The following STAU2 variants were observed in gnomAD, a reference collection of about 807,000 sequenced individuals.
STAU2 encodes staufen double-stranded RNA binding protein 2.
Under a neutral mutation model 65.9 loss-of-function variants are expected in STAU2, and 20 were observed. The observed-to-expected ratio is 0.30, with a 90% CI of 0.21 to 0.44. The LOEUF is 0.44. Among genes scored for constraint, STAU2 ranks in the 20% least tolerant of loss-of-function variants. The probability of loss-of-function intolerance (pLI) is 1.00; values close to 1 mark genes in which losing one functional copy is unlikely to be tolerated. For missense variants in STAU2, 558 were observed against 683.9 expected (o/e 0.82, Z 2.05); for synonymous variants, 232 against 233.9 (o/e 0.99, Z 0.07).
At chr8:73,532,316 T>C (rs1805875044) in intron 13 of STAU2, among the ~76,000 whole-genome samples, 2 of 152,228 alleles carry the variant, frequency 1.3e-5, no homozygotes, top group African/African-American at 4.8e-5. Flanking sequence ...AAGCAGTACC[T>C]TGTGCGGGGA....
intron 1 of STAU2, 106 bp downstream of exon 1, chr8:73,746,677 G>T: frequency 1.5e-6 from 1 of 662,386 alleles, no homozygotes; most frequent in Admixed American, 4.5e-5. Flanking sequence ...GCTTTTCTCC[G>T]GGTTCCCCGT....
chr8:73,501,385 T>C (rs1821742301), intron 13 of STAU2, among the ~76,000 whole-genome samples: 1 of 151,950 alleles, frequency 6.6e-6, no homozygotes, highest in African/African-American at 2.4e-5. Flanking sequence ...ATGATCTATT[T>C]TAGAATTGTG....
intron 3 of STAU2, among the ~76,000 whole-genome samples, chr8:73,723,177 C>T (rs1821807738): frequency 6.6e-6 from 1 of 151,932 alleles, no homozygotes; most frequent in Non-Finnish European, 1.5e-5. Flanking sequence ...TCTAGAGAAG[C>T]CAATTAACCT....
intron 3 of STAU2, among the ~76,000 whole-genome samples, chr8:73,717,622 TTTGTTGTTGTTGTTG>T (rs75469180): frequency 2.5e-4 from 37 of 150,168 alleles, no homozygotes; most frequent in African/African-American, 6.8e-4. Context: ...CTATTTGTCT[TTTGTTGTTGTTGTTG>T]TTGTTGTTGT....
intron 10 of STAU2, among the ~76,000 whole-genome samples, chr8:73,600,047 C>A (rs879713598): frequency 1.3e-5 from 2 of 152,188 alleles, no homozygotes; most frequent in African/African-American, 2.4e-5. Context: ...GGATTACAGG[C>A]GTGAGCCACC....
In STAU2 at chr8:73,592,829, A is replaced by G. The variant is rs1416576317; in HGVS notation, c.1161+2337T>C. 2.0e-5 allele frequency among the ~76,000 whole-genome samples: 3 copies of G among 152,188 alleles called. 1 individual carries two copies. Among genetic ancestry groups the G allele is most frequent in the Admixed American group, 1.3e-4 (2 of 15,280 alleles). ...AGCCAAGATCGCACCACTGCACTCC[A>G]GCCTGGGTGACAGAGCTAGACTCCG... On this transcript the variant is annotated intron_variant, in intron 11 of 14. Transcript: ENST00000524300.
chr8:73,641,184 C>T (rs925077371), intron 6 of STAU2, among the ~76,000 whole-genome samples: 2 of 152,068 alleles, frequency 1.3e-5, no homozygotes, highest in Non-Finnish European at 2.9e-5. Context: ...CTCGTCTCTA[C>T]AAAAGACACA....
intron 3 of STAU2, among the ~76,000 whole-genome samples, chr8:73,711,525 C>A (rs1820901226): frequency 6.6e-6 from 1 of 152,094 alleles, no homozygotes; most frequent in East Asian, 1.9e-4. Context: ...AGTAATGCTG[C>A]ATATTCATCT....
At chr8:73,489,997 T>C (rs747994370) in intron 13 of STAU2, among the ~76,000 whole-genome samples, 2 of 152,048 alleles carry the variant, frequency 1.3e-5, no homozygotes, top group African/African-American at 4.8e-5. Flanking sequence ...ACATCTGCAG[T>C]TTAAAAAAAT....
rs148624118 is a variant in STAU2, at chr8:73,475,955, T to G, written c.1531-53253A>C. Among the ~76,000 whole-genome samples, 316 of 152,346 alleles carry G rather than the reference T, an allele frequency of 2.1e-3. 2 individuals are homozygous for G. The highest frequency in any genetic ancestry group is 7.4e-3 in the African/African-American group (306 of 41,568). On this transcript the variant is annotated intron_variant, in intron 13 of 14. Coordinates refer to ENST00000524300, the MANE Select transcript of STAU2 (RefSeq NM_001164380.2). ...TGACAATGTAATGACACTAAATGTT[T>G]ACTTCATTGTGACAGTCATATTTTC...
At chr8:73,515,200 C>A (rs1822637948) in intron 13 of STAU2, among the ~76,000 whole-genome samples, 1 of 152,034 alleles carries the variant, frequency 6.6e-6, no homozygotes, top group South Asian at 2.1e-4. Flanking sequence ...CAAATAATGA[C>A]CTATTAGTTC....
chr8:73,596,674 C>T (rs991707853), intron 10 of STAU2, among the ~76,000 whole-genome samples: 9 of 151,478 alleles, frequency 5.9e-5, no homozygotes, highest in Admixed American at 3.9e-4. Flanking sequence ...TATAGTGAGA[C>T]CCCATTTTTA....
intron 6 of STAU2, among the ~76,000 whole-genome samples, chr8:73,649,214 G>A (rs1485891439): frequency 1.3e-5 from 2 of 152,126 alleles, no homozygotes; most frequent in Non-Finnish European, 2.9e-5. Context: ...CAAACATTCT[G>A]CACATCCCAT....
chr8:73,438,324 GCAGGACAGC>G (rs1277305367), intron 13 of STAU2, among the ~76,000 whole-genome samples: 2 of 152,206 alleles, frequency 1.3e-5, no homozygotes, highest in African/African-American at 4.8e-5. Flanking sequence ...AGGGAGACAG[GCAGGACAGC>G]GACGGCAGTG....
chr8:73,573,747 A>T (rs182400457), intron 12 of STAU2, among the ~76,000 whole-genome samples: 58 of 152,336 alleles, frequency 3.8e-4, no homozygotes, highest in African/African-American at 1.3e-3. Context: ...ATACAAAAAA[A>T]TTAATTCAAG....
At chr8:73,543,648 T>C (rs1426577423) in intron 13 of STAU2, among the ~76,000 whole-genome samples, 1 of 152,194 alleles carries the variant, frequency 6.6e-6, no homozygotes, top group Non-Finnish European at 1.5e-5. Flanking sequence ...ACCATTCTGA[T>C]GTTAGCTCAT....
chr8:73,558,010 A>T (rs1319452286), intron 12 of STAU2, among the ~76,000 whole-genome samples: 1 of 152,254 alleles, frequency 6.6e-6, no homozygotes, highest in East Asian at 1.9e-4. Context: ...AGAGATGAAA[A>T]AAACTGAAGC....
chr8:73,658,468 A>T (rs1816557508), intron 6 of STAU2, among the ~76,000 whole-genome samples: 1 of 152,212 alleles, frequency 6.6e-6, no homozygotes, highest in African/African-American at 2.4e-5. Flanking sequence ...ATAAAAACAA[A>T]GTTTGGAACA....
At chr8:73,634,420 T>C (rs564536906) in intron 6 of STAU2, among the ~76,000 whole-genome samples, 1 of 152,134 alleles carries the variant, frequency 6.6e-6, no homozygotes, top group South Asian at 2.1e-4. Context: ...CCCAGCTCCT[T>C]GGGAGGCTGA....
Sources: gnomAD v4.1 joint callset for allele counts (sites outside exome capture counted in the v4.1 genomes callset) on GRCh38, gnomAD v4.1.1 for gene constraint, MANE v1.5 for transcripts, NCBI Gene and HGNC (gene_info 2026-07-23, HGNC 2026-07-21) for gene names.